Variants in MAPK1IP1L observed in about 807,000 individuals in gnomAD.
The protein encoded by MAPK1IP1L is mitogen-activated protein kinase 1 interacting protein 1 like, also known as MAPK-interacting and spindle-stabilizing protein-like.
A neutral mutation model predicts 18.1 loss-of-function variants in MAPK1IP1L; 10 were observed. The ratio of observed to expected loss-of-function variants is 0.55; its 90% CI spans 0.34 to 0.94. The LOEUF is 0.94. Among genes scored for constraint, MAPK1IP1L ranks in the 40% least tolerant of loss-of-function variants. MAPK1IP1L has a pLI of 0.02. For synonymous variants in MAPK1IP1L, 115 were observed against 117.3 expected, an observed-to-expected ratio of 0.98 and a Z score of 0.13; for missense variants, 260 against 318.2, an observed-to-expected ratio of 0.82 and a Z score of 1.39.
intron 1 of MAPK1IP1L, among the ~76,000 whole-genome samples, chr14:55,054,319 A>G (rs569843050): frequency 2.7e-5 from 4 of 150,834 alleles, no homozygotes; most frequent in Admixed American, 2.0e-4. Context: ...AATTTTCTGT[A>G]TTTTTAGTTG....
rs537192758 is a variant in MAPK1IP1L at position 55,057,769 on chromosome 14, A to T, written c.-4-3911A>T. Among the ~76,000 whole-genome samples, 291 of 151,860 alleles carry T rather than the reference A, an allele frequency of 1.9e-3. 2 individuals are homozygous for T. Among genetic ancestry groups the T allele is most frequent in the African/African-American group, 6.6e-3 (272 of 41,378 alleles). ...GACTCCATCTCAAAAAAAAAAAAAA[A>T]TTTAAATGATTTCTACTAAAAATTT... On this transcript the variant is annotated intron_variant, in intron 1 of 3. Transcript: ENST00000395468.
At position 55,065,752 on chromosome 14, in the gene MAPK1IP1L, T is replaced by C. The variant is rs1344976190; in HGVS notation, c.*1125T>C. 6.6e-6 allele frequency: 1 copy of C among 152,232 alleles called. No homozygotes were observed. Among genetic ancestry groups the C allele is most frequent in the Non-Finnish European group, 1.5e-5 (1 of 68,036 alleles). 9.4% of individuals were successfully genotyped at this position (152,232 alleles called of 1,614,324 possible). On this transcript the variant is annotated 3_prime_UTR_variant, in exon 4 of 4. Coordinates refer to ENST00000395468, the MANE Select transcript of MAPK1IP1L (RefSeq NM_144578.4). ...TCTCTTTTTCAGAGTCTGGTTAAGC[T>C]ATGTCATTGTCTACTGCATAGTTTC... is the stretch of plus-strand genomic sequence containing the variant.
At chr14:55,055,576 G>A (rs1341564223) in intron 1 of MAPK1IP1L, among the ~76,000 whole-genome samples, 2 of 152,112 alleles carry the variant, frequency 1.3e-5, no homozygotes, top group Non-Finnish European at 1.5e-5. Context: ...GATGATTCAC[G>A]TCCTAGGCAG....
chr14:55,069,970 G>A lies in MAPK1IP1L; in HGVS notation c.*5343G>A, dbSNP rs377746902. 5.3e-5 allele frequency: 8 copies of A among 152,128 alleles called. No homozygotes were observed. Among genetic ancestry groups the A allele is most frequent in the Non-Finnish European group, 7.4e-5 (5 of 68,024 alleles). The allele number at this position is 152,128 out of a possible 1,614,324, so 9.4% of individuals were successfully genotyped here. ...TTACCATTTTCCCACAGGAGATTTCGCTGGCATTCCTTGGAACTCCCAATT... is the reference window on the plus strand; with the variant it reads ...TTACCATTTTCCCACAGGAGATTTCACTGGCATTCCTTGGAACTCCCAATT... On this transcript the variant is annotated 3_prime_UTR_variant, in exon 4 of 4. Transcript: ENST00000395468.
At position 55,065,337 on chromosome 14, in the gene MAPK1IP1L, T is replaced by C. The variant is rs2042853775; in HGVS notation, c.*710T>C. 6.6e-6 allele frequency: 1 copy of C among 152,224 alleles called. No individual in the cohort carries two copies. Among genetic ancestry groups the C allele is most frequent in the Admixed American group, 6.5e-5 (1 of 15,280 alleles). 9.4% of individuals were successfully genotyped at this position (152,224 alleles called of 1,614,324 possible). On this transcript the variant is annotated 3_prime_UTR_variant, in exon 4 of 4. Coordinates refer to ENST00000395468, the MANE Select transcript of MAPK1IP1L (RefSeq NM_144578.4). ...AGGCCAACATGTATGTAAATTAAAT[T>C]TTTAGATAATTGATTATCTCTTTGT...
At chr14:55,063,551 C>G (rs948567641) in intron 3 of MAPK1IP1L, among the ~76,000 whole-genome samples, 17 of 152,094 alleles carry the variant, frequency 1.1e-4, no homozygotes, top group African/African-American at 4.1e-4. Flanking sequence ...CCAAAGATCC[C>G]CAAAGACTTT....
At chr14:55,058,617 G>A (rs921759987) in intron 1 of MAPK1IP1L, among the ~76,000 whole-genome samples, 9 of 152,126 alleles carry the variant, frequency 5.9e-5, no homozygotes, top group Admixed American at 5.9e-4. Flanking sequence ...GATCACGTGA[G>A]GCCAGGAGTT....
At chr14:55,059,740 C>G (rs1031310545) in intron 1 of MAPK1IP1L, among the ~76,000 whole-genome samples, 1 of 152,120 alleles carries the variant, frequency 6.6e-6, no homozygotes, top group Non-Finnish European at 1.5e-5. Context: ...TTCCTCTTCT[C>G]CAGCTGTAAA....
chr14:55,053,431 ATT>A (rs560260399), intron 1 of MAPK1IP1L, among the ~76,000 whole-genome samples: 104 of 152,244 alleles, frequency 6.8e-4, no homozygotes, highest in African/African-American at 2.3e-3. Flanking sequence ...CCCAAGCACT[ATT>A]TTTTTAGGCA....
chr14:55,064,792 T>TAC lies in MAPK1IP1L; in HGVS notation c.*167_*168dup. 1 of 595,662 alleles carries TAC rather than the reference T, an allele frequency of 1.7e-6. No individual in the cohort carries two copies. The highest frequency in any genetic ancestry group is 3.0e-6 in the Non-Finnish European group (1 of 329,186). The allele number at this position is 595,662 out of a possible 1,614,324, so 36.9% of individuals were successfully genotyped here. On this transcript the variant is annotated 3_prime_UTR_variant, in exon 4 of 4. Coordinates refer to ENST00000395468, the MANE Select transcript of MAPK1IP1L (RefSeq NM_144578.4). ...CTGCCTCTTGTACTTGGATGCGTAG[T>TAC]ACATCATATGTATACAATCAGATAA...
chr14:55,055,310 C>T (rs1389626392), intron 1 of MAPK1IP1L, among the ~76,000 whole-genome samples: 1 of 152,120 alleles, frequency 6.6e-6, no homozygotes, highest in Non-Finnish European at 1.5e-5. Context: ...TGTTCTGCAA[C>T]TCTCCTCATA....
intron 1 of MAPK1IP1L, among the ~76,000 whole-genome samples, chr14:55,059,225 G>GAAAAAAAAAAAAAAAAAAAAAAAACAAA (rs3078612): frequency 1.6e-5 from 1 of 63,280 alleles, no homozygotes; most frequent in Non-Finnish European, 3.1e-5. Context: ...AGGAAAATCT[G>GAAAAAAAAAAAAAAAAAAAAAAAACAAA]AAAAAAAAAA....
Position 55,051,659 on chromosome 14 carries a change from G to A in MAPK1IP1L, c.-149G>A, listed in dbSNP as rs761005454. 1 of 513,056 alleles carries A rather than the reference G, an allele frequency of 1.9e-6. No individual in the cohort carries two copies. Among genetic ancestry groups the A allele is most frequent in the Non-Finnish European group, 3.9e-6 (1 of 258,180 alleles). 31.8% of individuals were successfully genotyped at this position (513,056 alleles called of 1,614,324 possible). On this transcript the variant is annotated 5_prime_UTR_variant, in exon 1 of 4. Transcript: ENST00000395468. ...CGGTGCGCTCGGCGCTTCCTGTTCC[G>A]GCGCCAGGAGGAGCCGCGCGCTGCT...
chr14:55,061,281 T>C (rs1043095080), intron 1 of MAPK1IP1L, among the ~76,000 whole-genome samples: 6 of 152,238 alleles, frequency 3.9e-5, no homozygotes, highest in African/African-American at 1.4e-4. Context: ...TAAATTGGCA[T>C]GGACTTTTCA....
In MAPK1IP1L at chr14:55,063,198, G is replaced by A; in HGVS notation, c.599G>A (p.Gly200Glu). Residue 200 changes from glycine (G) to glutamate (E), a missense_variant, in exon 3 of 4, where the codon GGA (glycine) becomes GAA (glutamate). By Grantham distance (98) the Gly-to-Glu change is moderately conservative. Transcript: ENST00000395468. ...GGCACCGTTCCACCAGGAGCCTGGG[G>A]ACCACCAGCACCATATCCTGCCCCT... ...PWGTVPPGAWGPPAPYPAPTG... is the reference protein window; with the variant it reads ...PWGTVPPGAWEPPAPYPAPTG... The A allele has an allele frequency of 6.2e-7, 1 of 1,614,064 alleles. No homozygotes were observed. Among genetic ancestry groups the A allele is most frequent in the Non-Finnish European group, 8.5e-7 (1 of 1,180,012 alleles).
At chr14:55,060,493 A>G (rs2042809885) in intron 1 of MAPK1IP1L, 1 of 152,186 alleles carries the variant, frequency 6.6e-6, no homozygotes, top group African/African-American at 2.4e-5. Flanking sequence ...TTAATCTCAT[A>G]TATGAAAGCT....
chr14:55,063,248 C>T lies in MAPK1IP1L; in HGVS notation c.649C>T (p.Leu217Phe). ...TACAGGATCGTATCCCACACCAGGA[C>T]TCTATCCTACTCCCAGTAATCCTTT... ...APTGSYPTPG[L>F]YPTPSNPFQV... is the part of the protein sequence containing the mutation. The change falls in exon 3 of 4, where the codon CTC (leucine) becomes TTC (phenylalanine). Residue 217 changes from leucine (L) to phenylalanine (F), a missense_variant. Physicochemically the swap from Leu to Phe is conservative, Grantham distance 22 (BLOSUM62 0). Transcript: ENST00000395468. 6.2e-7 allele frequency: 1 copy of T among 1,614,202 alleles called. No individual in the cohort carries two copies. The highest frequency in any genetic ancestry group is 8.5e-7 in the Non-Finnish European group (1 of 1,180,038).
intron 3 of MAPK1IP1L, chr14:55,064,076 C>G (rs1397014520): frequency 2.2e-5 from 3 of 134,736 alleles, no homozygotes; most frequent in Non-Finnish European, 3.0e-5. Context: ...TGCAGTCTCT[C>G]GGCTCGCTGC....
At chr14:55,064,395 C>A (rs772527508) in intron 3 of MAPK1IP1L, among the ~76,000 whole-genome samples, 9 of 152,128 alleles carry the variant, frequency 5.9e-5, no homozygotes, top group Non-Finnish European at 1.5e-5. Context: ...GAAAAGAAAT[C>A]TTTAAAGTAC....
Sources: gnomAD v4.1 joint callset for allele counts (sites outside exome capture counted in the v4.1 genomes callset) on GRCh38, gnomAD v4.1.1 for gene constraint, MANE v1.5 for transcripts, NCBI Gene and HGNC (gene_info 2026-07-23, HGNC 2026-07-21) for gene names.